USP15: variants seen among roughly 807,000 people sequenced by gnomAD.
USP15 encodes ubiquitin carboxyl-terminal hydrolase 15.
In USP15, 18 loss-of-function variants were observed where a neutral mutation model predicts 127.1. The observed-to-expected ratio is 0.14, with a 90% CI of 0.10 to 0.21. The LOEUF is 0.21. Among genes scored for constraint, USP15 ranks in the 10% least tolerant of loss-of-function variants. USP15 has a pLI of 1.00. For synonymous variants in USP15, 364 were observed against 393.7 expected (o/e 0.92, Z 0.89); for missense variants, 805 against 1,159.9 (o/e 0.69, Z 4.44).
In USP15 at chr12:62,408,975, T is replaced by G. The variant is rs1000372382; in HGVS notation, c.*4600T>G. The G allele has an allele frequency of 1.3e-5, 2 of 152,128 alleles. No homozygotes were observed. The highest frequency in any genetic ancestry group is 3.8e-4 in the East Asian group (2 of 5,200). 9.4% of individuals were successfully genotyped at this position (152,128 alleles called of 1,614,324 possible). On this transcript the variant is annotated 3_prime_UTR_variant, in exon 22 of 22. Coordinates refer to ENST00000280377, the MANE Select transcript of USP15 (RefSeq NM_001252078.2). ...AAGCTACATAGAATACATCAAAATT[T>G]TATAAGCTGCATAGAATAGGCTTTA...
At position 62,408,795 on chromosome 12, in the gene USP15, T is replaced by C. The variant is rs968942921; in HGVS notation, c.*4420T>C. 1 of 152,112 alleles carries C rather than the reference T, an allele frequency of 6.6e-6. No individual in the cohort carries two copies. The highest frequency in any genetic ancestry group is 1.5e-5 in the Non-Finnish European group (1 of 68,006). 9.4% of individuals were successfully genotyped at this position (152,112 alleles called of 1,614,324 possible). A position where few individuals can be genotyped will look rare whatever the true frequency, so the allele number is the denominator to read the frequency against. ...TTATCAGATTTTCTAGTGAGAAATA[T>C]ATATGATGGTTTTTTAATAATCATT... On this transcript the variant is annotated 3_prime_UTR_variant, in exon 22 of 22. Transcript: ENST00000280377.
rs551895778 is a variant in USP15, at chr12:62,357,717, G to A, written c.915+2242G>A. Among the ~76,000 whole-genome samples, 3 of 152,182 alleles carry A rather than the reference G, an allele frequency of 2.0e-5. No homozygotes were observed. The East Asian group carries it at 5.8e-4, about 29-fold the overall frequency. Reference sequence around the variant, plus strand: ...ATGAGTTTTTACTTGTGCGGCTTTAGCTTTTAGTTCACATCTGGAATTAGA... The same window carrying A: ...ATGAGTTTTTACTTGTGCGGCTTTAACTTTTAGTTCACATCTGGAATTAGA... On this transcript the variant is annotated intron_variant, in intron 8 of 21. Transcript: ENST00000280377.
intron 8 of USP15, among the ~76,000 whole-genome samples, chr12:62,369,922 C>T (rs2066606245): frequency 6.6e-6 from 1 of 152,038 alleles, no homozygotes; most frequent in Admixed American, 6.6e-5. Context: ...TACCTGGAAC[C>T]CCTCTTACCA....
chr12:62,266,726 A>G (rs1291141847), intron 1 of USP15, among the ~76,000 whole-genome samples: 1 of 152,136 alleles, frequency 6.6e-6, no homozygotes, highest in Non-Finnish European at 1.5e-5. Flanking sequence ...CAAAAGAAGG[A>G]CCAAAATATA....
rs2068091469 is a variant in USP15 at position 62,413,785 on chromosome 12, CTT to C, written c.*9413_*9414del. ...GATTCATGTGTTCACTTGAGTAGCA[CTT>C]TTAATTTCAGGAACTCTTCCTTTGG... On this transcript the variant is annotated 3_prime_UTR_variant, in exon 22 of 22. Transcript: ENST00000280377. 1 of 152,152 alleles carries C rather than the reference CTT, an allele frequency of 6.6e-6. No individual in the cohort carries two copies. The highest frequency in any genetic ancestry group is 2.1e-4 in the South Asian group (1 of 4,828). The allele number at this position is 152,152 out of a possible 1,614,324, so 9.4% of individuals were successfully genotyped here.
chr12:62,393,260 T>C (rs907309570), intron 19 of USP15, 58 bp downstream of exon 19: 21 of 1,569,616 alleles, frequency 1.3e-5, no homozygotes, highest in Non-Finnish European at 1.7e-5. Context: ...ACTTATTTGA[T>C]GCTTTTTGTT....
Position 62,374,666 on chromosome 12 carries a change from A to T in USP15, c.916-6824A>T, listed in dbSNP as rs2066767000. On this transcript the variant is annotated intron_variant, in intron 8 of 21. Coordinates refer to ENST00000280377, the MANE Select transcript of USP15 (RefSeq NM_001252078.2). ...ACATTATTTGACTTCATCAATTTAT[A>T]AAAAACTTATGTAGAAATTTAGCAA... 15 of 839,060 alleles carry T rather than the reference A, an allele frequency of 1.8e-5. No individual in the cohort carries two copies. The South Asian group carries it at 8.2e-4, about 46-fold the overall frequency. 52.0% of individuals were successfully genotyped at this position (839,060 alleles called of 1,614,324 possible).
intron 1 of USP15, among the ~76,000 whole-genome samples, chr12:62,292,206 G>A (rs1398265260): frequency 1.3e-5 from 2 of 152,144 alleles, no homozygotes; most frequent in Admixed American, 6.5e-5. Context: ...AGGCAGGAAT[G>A]TGATGTTTCC....
chr12:62,303,656 T>C (rs1163924957), intron 3 of USP15: 1 of 149,670 alleles, frequency 6.7e-6, no homozygotes, highest in African/African-American at 2.4e-5. Flanking sequence ...TTAGGTAACA[T>C]AAGGGTAAAA....
chr12:62,342,475 G>A (rs1453419994), intron 6 of USP15, among the ~76,000 whole-genome samples: 1 of 152,068 alleles, frequency 6.6e-6, no homozygotes, highest in African/African-American at 2.4e-5. Flanking sequence ...TGATCATTTG[G>A]AGAAGAAGCA....
At chr12:62,355,725 T>C (rs2066102500) in intron 8 of USP15, among the ~76,000 whole-genome samples, 1 of 150,614 alleles carries the variant, frequency 6.6e-6, no homozygotes, top group Non-Finnish European at 1.5e-5. Context: ...AAATATAATA[T>C]CAGACAGAAA....
intron 1 of USP15, among the ~76,000 whole-genome samples, chr12:62,291,294 A>G (rs1592511766): frequency 1.3e-5 from 2 of 152,084 alleles, no homozygotes; most frequent in East Asian, 3.9e-4. Flanking sequence ...TCTTCAAAAG[A>G]CCTGTCTTTA....
At chr12:62,374,300 G>C in intron 8 of USP15, 1 of 817,946 alleles carries the variant, frequency 1.2e-6, no homozygotes. Context: ...GTTGTGAGTG[G>C]TATTACCTTT....
intron 8 of USP15, among the ~76,000 whole-genome samples, chr12:62,370,721 A>G (rs1565893650): frequency 6.6e-6 from 1 of 152,108 alleles, no homozygotes; most frequent in African/African-American, 2.4e-5. Context: ...TTTGACATCC[A>G]TCTATATACT....
At chr12:62,401,055 A>T (rs1327933005) in intron 20 of USP15, 132 bp from the exon 21 acceptor site, 2 of 463,434 alleles carry the variant, frequency 4.3e-6, no homozygotes, top group Non-Finnish European at 3.7e-6. Context: ...TCAATTGAAT[A>T]TGTAATAAAT....
chr12:62,395,697 T>C (rs2067468638), intron 19 of USP15, among the ~76,000 whole-genome samples: 1 of 151,894 alleles, frequency 6.6e-6, no homozygotes, highest in African/African-American at 2.4e-5. Flanking sequence ...TCTGTCTGTC[T>C]ATGAGCTCAA....
rs780172870 is a variant in USP15 at position 62,355,567 on chromosome 12, A to G, written c.915+92A>G. On this transcript the variant is annotated intron_variant, in intron 8 of 21. Coordinates refer to ENST00000280377, the MANE Select transcript of USP15 (RefSeq NM_001252078.2). The stretch of plus-strand genomic sequence containing the variant: ...GGGTTTTTCATGCCAGAACATGAGT[A>G]TATGTTTTGAAAGTTCATTTTTCAT... 644 of 1,367,336 alleles carry G rather than the reference A, an allele frequency of 4.7e-4. No individual in the cohort carries two copies. The highest frequency in any genetic ancestry group is 5.8e-4 in the Non-Finnish European group (596 of 1,020,112). 84.7% of individuals were successfully genotyped at this position (1,367,336 alleles called of 1,614,324 possible). A position where few individuals can be genotyped will look rare whatever the true frequency, so the allele number is the denominator to read the frequency against.
At chr12:62,321,430 A>G (rs1371003653) in intron 4 of USP15, 34 bp from the exon 5 acceptor site, 1 of 1,366,324 alleles carries the variant, frequency 7.3e-7, no homozygotes, top group African/African-American at 1.5e-5. Context: ...TGAAATACAT[A>G]CTATATTTAT....
chr12:62,352,360 G>A (rs115813505), intron 7 of USP15, among the ~76,000 whole-genome samples: 156 of 151,916 alleles, frequency 1.0e-3, no homozygotes, highest in African/African-American at 3.7e-3. Flanking sequence ...AGTCCCTTGT[G>A]TATTTGGTTT....
Sources: allele counts gnomAD v4.1 joint callset (sites outside exome capture counted in the v4.1 genomes callset), GRCh38; gene constraint gnomAD v4.1.1; transcripts MANE v1.5; gene names NCBI Gene and HGNC (gene_info 2026-07-23, HGNC 2026-07-21).